AFF2: variants seen among roughly 807,000 people sequenced by gnomAD.
The protein encoded by AFF2 is ALF transcription elongation factor 2.
Under a neutral mutation model 76.9 loss-of-function variants are expected in AFF2, and 14 were observed. That is an observed-to-expected ratio of 0.18 (90% CI 0.12 to 0.28). The LOEUF is 0.28. AFF2 is among the 10% of genes least tolerant of loss of function. The probability of loss-of-function intolerance (pLI) is 1.00; values close to 1 mark genes in which losing one functional copy is unlikely to be tolerated. For missense variants in AFF2, 868 were observed against 1,001.1 expected, an observed-to-expected ratio of 0.87 and a Z score of 1.79; for synonymous variants, 398 against 366.7, an observed-to-expected ratio of 1.09 and a Z score of -0.98.
At position 148,902,543 on chromosome X, in the gene AFF2, A is replaced by G. The variant is rs991537081; in HGVS notation, c.1360-1678A>G. Among the ~76,000 whole-genome samples the G allele has an allele frequency of 5.4e-5, 6 of 111,920 alleles. No homozygotes were observed. The South Asian group carries it at 1.1e-3, about 21-fold the overall frequency. On this transcript the variant is annotated intron_variant, in intron 8 of 20. Coordinates refer to ENST00000370460, the MANE Select transcript of AFF2 (RefSeq NM_002025.4). Reference sequence around the variant, plus strand: ...GGTCCTGCTGCTGTAGGAAAGCTGCATGGCAGTCCCCACTTCTTGCCAGCA... The same window carrying G: ...GGTCCTGCTGCTGTAGGAAAGCTGCGTGGCAGTCCCCACTTCTTGCCAGCA...
intron 9 of AFF2, among the ~76,000 whole-genome samples, chrX:148,937,740 C>T (rs1369076164): frequency 8.9e-6 from 1 of 111,805 alleles, no homozygotes; most frequent in Non-Finnish European, 1.9e-5. Flanking sequence ...CCTGTGCTTA[C>T]CTCAATTACC....
intron 15 of AFF2, among the ~76,000 whole-genome samples, chrX:148,971,747 C>CTTTTTTTTTTTTTTTTTTTAATT (rs2072257378): frequency 2.2e-5 from 1 of 44,731 alleles, no homozygotes; most frequent in Non-Finnish European, 3.8e-5. Context: ...TTTTCTATTT[C>CTTTTTTTTTTTTTTTTTTTAATT]TTTTTTTTTT....
At chrX:148,621,705 T>C (rs782310606) in intron 1 of AFF2, among the ~76,000 whole-genome samples, 12 of 111,707 alleles carry the variant, frequency 1.1e-4, no homozygotes, top group African/African-American at 3.6e-4. Flanking sequence ...TTAGCTTTTT[T>C]TGAGTAAAAT....
At chrX:148,907,896 G>A (rs1323858063) in intron 9 of AFF2, among the ~76,000 whole-genome samples, 4 of 110,173 alleles carry the variant, frequency 3.6e-5, no homozygotes, top group South Asian at 4.1e-4. Flanking sequence ...TCCCACAGCT[G>A]CAACCGTAAA....
chrX:148,911,762 A>G (rs1172568393), intron 9 of AFF2, among the ~76,000 whole-genome samples: 1 of 112,387 alleles, frequency 8.9e-6, no homozygotes, highest in Non-Finnish European at 1.9e-5. Context: ...GTCACAGAGA[A>G]AAGGGACACT....
intron 3 of AFF2, among the ~76,000 whole-genome samples, chrX:148,769,008 A>T (rs2069553137): frequency 9.0e-6 from 1 of 111,655 alleles, no homozygotes; most frequent in African/African-American, 3.3e-5. Context: ...TTCTCATTTA[A>T]AGGTGACAAA....
chrX:148,628,205 G>A (rs2124427416), intron 1 of AFF2, among the ~76,000 whole-genome samples: 1 of 111,303 alleles, frequency 9.0e-6, no homozygotes, highest in South Asian at 3.7e-4. Context: ...CACTGTGAAT[G>A]TACCTAATGC....
chrX:148,807,476 A>T lies in AFF2; in HGVS notation c.1042-2400A>T, dbSNP rs1362736941. Among the ~76,000 whole-genome samples, 3 of 111,763 alleles carry T rather than the reference A, an allele frequency of 2.7e-5. No homozygotes were observed. The Admixed American group carries it at 2.8e-4, about 11-fold the overall frequency. On this transcript the variant is annotated intron_variant, in intron 3 of 20. Transcript: ENST00000370460. ...TTCTTTTACATTTGGAAAAACTAGA[A>T]CTCAGAAAGGTACAGTTATTAAGTC... is the stretch of plus-strand genomic sequence containing the variant.
intron 3 of AFF2, among the ~76,000 whole-genome samples, chrX:148,773,995 A>G (rs2069636700): frequency 9.0e-6 from 1 of 111,391 alleles, no homozygotes; most frequent in South Asian, 3.8e-4. Context: ...GAACACCACC[A>G]TTTCCAAGAA....
Position 148,565,150 on chromosome X carries a change from G to A in AFF2, c.47+64006G>A, listed in dbSNP as rs141090032. Among the ~76,000 whole-genome samples the A allele has an allele frequency of 7.8e-3, 868 of 111,882 alleles. 12 individuals carry two copies. The highest frequency in any genetic ancestry group is 0.014 in the Middle Eastern group (3 of 218). ...CAACCTAGGAAACTGGCAGTAGTTG[G>A]CTTTGTGACTGCAGCCAAAGATTAT... On this transcript the variant is annotated intron_variant, in intron 1 of 20. Transcript: ENST00000370460.
chrX:148,690,374 A>G (rs1254428299), intron 3 of AFF2, among the ~76,000 whole-genome samples: 1 of 112,381 alleles, frequency 8.9e-6, no homozygotes, highest in African/African-American at 3.2e-5. Context: ...AGTGTGGACC[A>G]TAGAATCATA....
chrX:148,614,104 G>A (rs1557249860), intron 1 of AFF2, among the ~76,000 whole-genome samples: 1 of 112,235 alleles, frequency 8.9e-6, no homozygotes, highest in Non-Finnish European at 1.9e-5. Flanking sequence ...GGGACCATCA[G>A]AGATGGAGAG....
intron 3 of AFF2, among the ~76,000 whole-genome samples, chrX:148,720,205 A>G (rs782027535): frequency 9.0e-6 from 1 of 110,802 alleles, no homozygotes; most frequent in South Asian, 3.8e-4. Flanking sequence ...AAATTTACTT[A>G]TTTAATTTTG....
intron 8 of AFF2, among the ~76,000 whole-genome samples, chrX:148,901,624 A>G (rs1204741282): frequency 8.9e-6 from 1 of 112,076 alleles, no homozygotes; most frequent in East Asian, 2.8e-4. Context: ...TGGTCTTCTT[A>G]TGTCCCATCA....
intron 1 of AFF2, among the ~76,000 whole-genome samples, chrX:148,623,157 C>T (rs1483764090): frequency 9.0e-6 from 1 of 111,518 alleles, no homozygotes; most frequent in African/African-American, 3.3e-5. Flanking sequence ...CTGTATTTTT[C>T]TGGGCAAACC....
intron 1 of AFF2, among the ~76,000 whole-genome samples, chrX:148,651,605 A>C (rs2054202661): frequency 9.0e-6 from 1 of 111,551 alleles, no homozygotes; most frequent in East Asian, 2.8e-4. Context: ...TTCCCTTAGG[A>C]CTTTGTGACA....
chrX:148,652,658 TAGA>T (rs1377792603), intron 2 of AFF2, among the ~76,000 whole-genome samples: 1 of 111,855 alleles, frequency 8.9e-6, no homozygotes, highest in African/African-American at 3.2e-5. Context: ...AATCATGGGT[TAGA>T]AGATTGTCTC....
chrX:148,521,711 A>G (rs2052602080), intron 1 of AFF2, among the ~76,000 whole-genome samples: 1 of 111,958 alleles, frequency 8.9e-6, no homozygotes, highest in Admixed American at 9.5e-5. Context: ...GCTACATGGA[A>G]TTACGTATGA....
In AFF2 at chrX:148,589,052, C is replaced by T. The variant is rs782087475; in HGVS notation, c.48-62947C>T. Among the ~76,000 whole-genome samples, 7 of 109,925 alleles carry T rather than the reference C, an allele frequency of 6.4e-5. No homozygotes were observed. The South Asian group carries it at 1.2e-3, about 19-fold the overall frequency. On this transcript the variant is annotated intron_variant, in intron 1 of 20. Transcript: ENST00000370460. ...GATCATACCTAGCCAGCAGGTCTCT[C>T]GGTGCAGTGACAAGACAATCAAATT...
Sources: allele counts gnomAD v4.1 joint callset (sites outside exome capture counted in the v4.1 genomes callset), GRCh38; gene constraint gnomAD v4.1.1; transcripts MANE v1.5; gene names NCBI Gene and HGNC (gene_info 2026-07-23, HGNC 2026-07-21).